Variants in RAPGEF4 observed in about 807,000 individuals in gnomAD.
The protein encoded by RAPGEF4 is Rap guanine nucleotide exchange factor 4.
RAPGEF4 carries 66 observed loss-of-function variants against 147.9 expected under a neutral mutation model. The ratio of observed to expected loss-of-function variants is 0.45; its 90% CI spans 0.37 to 0.55. RAPGEF4 has a LOEUF of 0.55. Ranked by LOEUF, RAPGEF4 falls within the 20% of genes least tolerant of loss-of-function variation. The probability of loss-of-function intolerance (pLI) is 0.00; values close to 1 mark genes in which losing one functional copy is unlikely to be tolerated. For missense variants in RAPGEF4, 1,071 were observed against 1,257.3 expected (o/e 0.85, Z 2.24); for synonymous variants, 419 against 442.7 (o/e 0.95, Z 0.67).
At chr2:172,977,894 G>A (rs1425312812) in intron 10 of RAPGEF4, among the ~76,000 whole-genome samples, 1 of 152,194 alleles carries the variant, frequency 6.6e-6, no homozygotes, top group African/African-American at 2.4e-5. Flanking sequence ...CTGCCTGGGT[G>A]GATTGCCAAA....
intron 17 of RAPGEF4, among the ~76,000 whole-genome samples, chr2:173,008,058 G>C (rs1389480296): frequency 1.2e-5 from 1 of 86,152 alleles, no homozygotes; most frequent in East Asian, 1.6e-3. Context: ...GAGGTGATTA[G>C]ATCGGGTGTG....
chr2:172,776,448 A>G (rs1684166965), intron 1 of RAPGEF4, among the ~76,000 whole-genome samples: 1 of 152,140 alleles, frequency 6.6e-6, no homozygotes, highest in Admixed American at 6.5e-5. Flanking sequence ...AATATTTTAG[A>G]CTTTTGGGCG....
intron 4 of RAPGEF4, among the ~76,000 whole-genome samples, chr2:172,832,478 G>C (rs1465812609): frequency 6.6e-6 from 1 of 152,156 alleles, no homozygotes; most frequent in Non-Finnish European, 1.5e-5. Flanking sequence ...TCCTCATTTT[G>C]TTCTTTGCCA....
intron 6 of RAPGEF4, among the ~76,000 whole-genome samples, chr2:172,940,752 T>A (rs1164731524): frequency 2.0e-5 from 3 of 152,198 alleles, no homozygotes; most frequent in Admixed American, 2.0e-4. Flanking sequence ...TTTGTCTATA[T>A]ATCTACAGAA....
At chr2:172,857,940 G>GAAAAAA (rs1693629235) in intron 4 of RAPGEF4, among the ~76,000 whole-genome samples, 1 of 134,096 alleles carries the variant, frequency 7.5e-6, no homozygotes, top group African/African-American at 2.9e-5. Context: ...AAAAAAAAAG[G>GAAAAAA]AAACTGGTGA....
At chr2:172,846,949 C>T (rs1438362538) in intron 4 of RAPGEF4, among the ~76,000 whole-genome samples, 1 of 152,170 alleles carries the variant, frequency 6.6e-6, no homozygotes, top group African/African-American at 2.4e-5. Context: ...GTCTCTCCTC[C>T]CTTTGGAATG....
At chr2:172,782,099 G>A (rs1044973062) in intron 1 of RAPGEF4, among the ~76,000 whole-genome samples, 1 of 152,174 alleles carries the variant, frequency 6.6e-6, no homozygotes, top group Non-Finnish European at 1.5e-5. Context: ...GATGCAAGGG[G>A]TGTTCCATGA....
chr2:172,920,234 A>G (rs1323237209), intron 5 of RAPGEF4, among the ~76,000 whole-genome samples: 1 of 151,852 alleles, frequency 6.6e-6, no homozygotes, highest in Non-Finnish European at 1.5e-5. Flanking sequence ...TATTTTTGAC[A>G]TTTTTTTTCT....
intron 5 of RAPGEF4, among the ~76,000 whole-genome samples, chr2:172,921,092 T>C (rs1684707653): frequency 6.6e-6 from 1 of 151,830 alleles, no homozygotes; most frequent in South Asian, 2.1e-4. Flanking sequence ...AGCACTCAGG[T>C]TTTTTGCTTT....
At chr2:172,746,393 A>G (rs1258928773) in intron 1 of RAPGEF4, among the ~76,000 whole-genome samples, 1 of 152,238 alleles carries the variant, frequency 6.6e-6, no homozygotes, top group Non-Finnish European at 1.5e-5. Context: ...ACTCTAACAA[A>G]TAGACAAATG....
Position 173,020,558 on chromosome 2 carries a change from G to T in RAPGEF4, c.2156-60G>T, listed in dbSNP as rs569505784. On this transcript the variant is annotated intron_variant, in intron 22 of 30. Transcript: ENST00000397081. ...GCTGGCAATTTGTTGGTGTGATTAGGGCAGTGCAGCAAATCTCAGATGTAT... is the reference window on the plus strand; with the variant it reads ...GCTGGCAATTTGTTGGTGTGATTAGTGCAGTGCAGCAAATCTCAGATGTAT... 3 of 1,324,876 alleles carry T rather than the reference G, an allele frequency of 2.3e-6. No individual in the cohort carries two copies. The South Asian group carries it at 3.5e-5, about 16-fold the overall frequency. The allele number at this position is 1,324,876 out of a possible 1,614,324, so 82.1% of individuals were successfully genotyped here.
At chr2:173,005,644 T>C (rs769748437) in intron 17 of RAPGEF4, among the ~76,000 whole-genome samples, 6 of 148,502 alleles carry the variant, frequency 4.0e-5, no homozygotes, top group Non-Finnish European at 8.9e-5. Context: ...TGCCTCAGCC[T>C]CCCGAGTAGC....
At chr2:172,849,923 C>G (rs1248696550) in intron 4 of RAPGEF4, among the ~76,000 whole-genome samples, 1 of 152,216 alleles carries the variant, frequency 6.6e-6, no homozygotes, top group Non-Finnish European at 1.5e-5. Context: ...CATGGATCCA[C>G]AGATAGGAGT....
chr2:172,754,967 CA>C lies in RAPGEF4; in HGVS notation c.65+18920del, dbSNP rs1421943591. Among the ~76,000 whole-genome samples, 7 of 152,152 alleles carry C rather than the reference CA, an allele frequency of 4.6e-5. No homozygotes were observed. In the East Asian group the frequency reaches 1.4e-3, roughly 29 times the overall value. The stretch of plus-strand genomic sequence containing the variant: ...CTGAGGCAGGAGAATGGCATGAACC[CA>C]GGATGCAGAGTTTGCAGTGAGCCAA... On this transcript the variant is annotated intron_variant, in intron 1 of 30. Transcript: ENST00000397081.
intron 1 of RAPGEF4, among the ~76,000 whole-genome samples, chr2:172,790,290 T>C (rs945059159): frequency 6.6e-6 from 1 of 152,198 alleles, no homozygotes; most frequent in Admixed American, 6.5e-5. Flanking sequence ...TATTTCTTAA[T>C]TAGATATTAA....
At chr2:173,015,922 C>T (rs1289150293) in intron 18 of RAPGEF4, among the ~76,000 whole-genome samples, 1 of 152,102 alleles carries the variant, frequency 6.6e-6, no homozygotes, top group African/African-American at 2.4e-5. Flanking sequence ...GAAAAATGAA[C>T]TAAAAAAAGC....
chr2:172,885,334 T>C lies in RAPGEF4; in HGVS notation c.445-32468T>C, dbSNP rs559228231. On this transcript the variant is annotated intron_variant, in intron 4 of 30. Transcript: ENST00000397081. ...ACTTTCCTCCTCCCTTATCTATGCC[T>C]CCTGAGATTGCCTCCCAAGACCTGG... 2.6e-3 allele frequency among the ~76,000 whole-genome samples: 401 copies of C among 152,282 alleles called. 3 individuals are homozygous for C. Among genetic ancestry groups the C allele is most frequent in the South Asian group, 0.022 (104 of 4,822 alleles).
intron 30 of RAPGEF4, among the ~76,000 whole-genome samples, chr2:173,050,623 G>A (rs796350717): frequency 7.2e-5 from 11 of 152,292 alleles, no homozygotes; most frequent in African/African-American, 2.4e-4. Flanking sequence ...ACCCAGTGAT[G>A]CTTGAAATGG....
chr2:172,778,366 A>G (rs2149503978), intron 1 of RAPGEF4, among the ~76,000 whole-genome samples: 1 of 152,242 alleles, frequency 6.6e-6, no homozygotes, highest in East Asian at 1.9e-4. Flanking sequence ...TAATCTAGAG[A>G]CCTGTCTTCT....
Sources: gnomAD v4.1 joint callset for allele counts (sites outside exome capture counted in the v4.1 genomes callset) on GRCh38, gnomAD v4.1.1 for gene constraint, MANE v1.5 for transcripts, NCBI Gene and HGNC (gene_info 2026-07-23, HGNC 2026-07-21) for gene names.